SUCLG2: variants seen among roughly 807,000 people sequenced by gnomAD.
SUCLG2 encodes the protein succinate--CoA ligase [GDP-forming] subunit beta, mitochondrial.
In SUCLG2, 42 loss-of-function variants were observed where a neutral mutation model predicts 47.9. That is an observed-to-expected ratio of 0.88 (90% CI 0.69 to 1.14). The LOEUF is 1.14. Among genes scored for constraint, SUCLG2 ranks in the 50% most tolerant of loss-of-function variants. The pLI, the probability that SUCLG2 is intolerant of heterozygous loss-of-function variation, is 0.00. For missense variants in SUCLG2, 571 were observed against 525.9 expected, an observed-to-expected ratio of 1.09 and a Z score of -0.84; for synonymous variants, 195 against 197.3, an observed-to-expected ratio of 0.99 and a Z score of 0.10.
intron 9 of SUCLG2, among the ~76,000 whole-genome samples, chr3:67,494,143 A>G (rs1303245599): frequency 2.0e-5 from 3 of 152,230 alleles, no homozygotes; most frequent in African/African-American, 7.2e-5. Context: ...CATGCAAAAC[A>G]AAACAGGCTA....
chr3:67,459,700 T>G (rs1704278372), intron 9 of SUCLG2, among the ~76,000 whole-genome samples: 1 of 152,146 alleles, frequency 6.6e-6, no homozygotes. Flanking sequence ...AACAAAGAAA[T>G]AAATATAAGG....
rs1363169826 is a variant in SUCLG2, at chr3:67,443,865, G to A, written c.1063-43014C>T. ...AGCCCCTCCGCCCGGCAGCTGCCCC[G>A]TCTGAGAAGTGAGGAGCCTCTCCAC... On this transcript the variant is annotated intron_variant, in intron 9 of 10. Transcript: ENST00000307227. Among the ~76,000 whole-genome samples, 21 of 76,828 alleles carry A rather than the reference G, an allele frequency of 2.7e-4. No individual in the cohort carries two copies. The South Asian group carries it at 3.4e-3, about 12-fold the overall frequency. The allele number at this position is 76,828 out of a possible 152,430, so 50.4% of individuals were successfully genotyped here. A position where few individuals can be genotyped will look rare whatever the true frequency, so the allele number is the denominator to read the frequency against.
chr3:67,362,467 A>G (rs931701796), intron 10 of SUCLG2, among the ~76,000 whole-genome samples: 2 of 152,184 alleles, frequency 1.3e-5, no homozygotes, highest in Non-Finnish European at 2.9e-5. Context: ...GTTACTTTAT[A>G]TCAGAGAACT....
At position 67,499,720 on chromosome 3, in the gene SUCLG2, G is replaced by GTTTATTTA. The variant is rs561344998; in HGVS notation, c.758-1433_758-1426dup. ...ATGTCATCATAATGTTTGTTTGTTT[G>GTTTATTTA]TTTATTTATTTATTTATTTATTTAT... On this transcript the variant is annotated intron_variant, in intron 7 of 10. Coordinates refer to ENST00000307227, the MANE Select transcript of SUCLG2 (RefSeq NM_003848.4). Among the ~76,000 whole-genome samples, 279 of 150,858 alleles carry GTTTATTTA rather than the reference G, an allele frequency of 1.8e-3. 1 individual carries two copies. The highest frequency in any genetic ancestry group is 5.0e-3 in the African/African-American group (204 of 40,812).
At chr3:67,512,238 G>A (rs925619420) in intron 6 of SUCLG2, among the ~76,000 whole-genome samples, 1 of 151,096 alleles carries the variant, frequency 6.6e-6, no homozygotes, top group Non-Finnish European at 1.5e-5. Flanking sequence ...CATTCTGAGA[G>A]TATTTTTAAA....
chr3:67,412,842 T>A (rs945350772), intron 9 of SUCLG2, among the ~76,000 whole-genome samples: 3 of 152,158 alleles, frequency 2.0e-5, no homozygotes, highest in Non-Finnish European at 4.4e-5. Context: ...GAGATGAGTG[T>A]GCCATTGTTT....
chr3:67,474,707 C>T (rs951809978), intron 9 of SUCLG2, among the ~76,000 whole-genome samples: 8 of 152,172 alleles, frequency 5.3e-5, no homozygotes, highest in African/African-American at 1.9e-4. Flanking sequence ...TTTAATTTAT[C>T]TTTACTGAAT....
At chr3:67,639,485 C>T (rs181286295) in intron 1 of SUCLG2, among the ~76,000 whole-genome samples, 2 of 152,002 alleles carry the variant, frequency 1.3e-5, no homozygotes, top group African/African-American at 2.4e-5. Context: ...GGCCTCAGAT[C>T]GCGCCACCAT....
At chr3:67,605,460 A>G (rs1196778666) in intron 2 of SUCLG2, among the ~76,000 whole-genome samples, 1 of 152,184 alleles carries the variant, frequency 6.6e-6, no homozygotes, top group East Asian at 1.9e-4. Flanking sequence ...TTAGATCAAA[A>G]CTATTCAACA....
At chr3:67,400,155 G>A (rs977100224) in intron 10 of SUCLG2, among the ~76,000 whole-genome samples, 3 of 151,304 alleles carry the variant, frequency 2.0e-5, no homozygotes, top group African/African-American at 7.3e-5. Flanking sequence ...CATGCTAAAT[G>A]TGAAAAGTTA....
At chr3:67,540,856 C>T (rs1706685922) in intron 2 of SUCLG2, among the ~76,000 whole-genome samples, 1 of 152,230 alleles carries the variant, frequency 6.6e-6, no homozygotes, top group African/African-American at 2.4e-5. Context: ...AAGGAACACA[C>T]AGCAGTCTTT....
intron 10 of SUCLG2, among the ~76,000 whole-genome samples, chr3:67,364,433 C>G (rs1027047015): frequency 1.1e-4 from 16 of 151,944 alleles, no homozygotes; most frequent in African/African-American, 3.9e-4. Context: ...TTCCACCCCC[C>G]CCACCCCCAA....
At chr3:67,636,731 C>T (rs570239631) in intron 1 of SUCLG2, among the ~76,000 whole-genome samples, 5 of 151,758 alleles carry the variant, frequency 3.3e-5, no homozygotes, top group African/African-American at 7.3e-5. Context: ...CTCCTGACCT[C>T]GTGATCTGCC....
At chr3:67,599,558 T>C (rs1708369702) in intron 2 of SUCLG2, among the ~76,000 whole-genome samples, 1 of 152,182 alleles carries the variant, frequency 6.6e-6, no homozygotes, top group Non-Finnish European at 1.5e-5. Flanking sequence ...AAGTTGTTTT[T>C]CAGTGCTGCA....
chr3:67,400,583 AG>A (rs113559159), intron 10 of SUCLG2, 147 bp downstream of exon 10: 74,672 of 1,093,930 alleles, frequency 0.068, 2,756 homozygotes, highest in Middle Eastern at 0.1. Context: ...CTAGAGGCCC[AG>A]GGAAGTCCTG....
At chr3:67,376,593 A>G (rs997444997) in intron 10 of SUCLG2, 2 of 775,656 alleles carry the variant, frequency 2.6e-6, no homozygotes, top group African/African-American at 3.8e-5. Context: ...TTGGCAAGAC[A>G]GAGCCTATTT....
intron 1 of SUCLG2, among the ~76,000 whole-genome samples, chr3:67,622,272 GAACAC>G: frequency 6.6e-6 from 1 of 152,192 alleles, no homozygotes; most frequent in South Asian, 2.1e-4. Context: ...AGAACAAGAG[GAACAC>G]ATAAGAGTAT....
At chr3:67,363,410 C>A (rs776866181) in intron 10 of SUCLG2, among the ~76,000 whole-genome samples, 1 of 152,154 alleles carries the variant, frequency 6.6e-6, no homozygotes, top group Non-Finnish European at 1.5e-5. Context: ...TGTCTGACTG[C>A]CAGGATTTTC....
At chr3:67,376,304 T>C (rs936750852) in intron 10 of SUCLG2, 22 of 985,300 alleles carry the variant, frequency 2.2e-5, no homozygotes, top group Non-Finnish European at 2.5e-5. Context: ...GCATCCAGCA[T>C]GTCCATTTCT....
Sources: allele counts gnomAD v4.1 joint callset (sites outside exome capture counted in the v4.1 genomes callset), GRCh38; gene constraint gnomAD v4.1.1; transcripts MANE v1.5; gene names NCBI Gene and HGNC (gene_info 2026-07-23, HGNC 2026-07-21).